CDHR4: variants seen among roughly 807,000 people sequenced by gnomAD.
CDHR4 encodes the protein cadherin related family member 4.
CDHR4 carries 89 observed loss-of-function variants against 88.4 expected under a neutral mutation model. That is an observed-to-expected ratio of 1.01 (90% confidence interval 0.85 to 1.20). CDHR4 has a LOEUF of 1.20. CDHR4 is among the 50% of genes most tolerant of loss of function. The probability of loss-of-function intolerance (pLI) is 0.00; values close to 1 mark genes in which losing one functional copy is unlikely to be tolerated. For synonymous variants in CDHR4, 368 were observed against 399.2 expected (o/e 0.92, Z 0.93); for missense variants, 914 against 1,007.2 (o/e 0.91, Z 1.25).
Position 49,795,203 on chromosome 3 carries a change from G to A in CDHR4, c.1024C>T (p.Leu342Phe). 7 of 1,551,676 alleles carry A rather than the reference G, an allele frequency of 4.5e-6. No homozygotes were observed. The highest frequency in any genetic ancestry group is 6.1e-6 in the Non-Finnish European group (7 of 1,146,974). The change falls in exon 8 of 19, where the codon CTT becomes TTT. Residue 342 changes from leucine to phenylalanine, a missense_variant. Coordinates refer to ENST00000412678, the MANE Select transcript of CDHR4 (RefSeq NM_001007540.4). The surrounding 1 kb of genome is among the most constrained non-coding windows in gnomAD (Gnocchi z 5.4). ...NLWPPRCLPA[L>F]LVSQIPETAP... is the part of the protein sequence containing the mutation. ...TGGTTCCCGGGTACTCACACCAGAA[G>A]CGCTGGGAGGCAGCGTGGAGGCCAG...
chr3:49,794,822 C>A, intron 9 of CDHR4, 121 bp from the exon 10 acceptor site: 1 of 1,444,434 alleles, frequency 6.9e-7, no homozygotes, highest in South Asian at 1.3e-5. Context: ...TTCCAGACTG[C>A]AACACAGGTT....
At chr3:49,800,818 G>C (rs1329212966), upstream of CDHR4, among the ~76,000 whole-genome samples, 4 of 151,170 alleles carry the variant, frequency 2.6e-5, no homozygotes, top group Non-Finnish European at 5.9e-5. Context: ...GGCTGAGGCA[G>C]GAGGATCGTT....
rs1184140934 is a variant in CDHR4 at position 49,795,636 on chromosome 3, A to G, written c.839T>C (p.Ile280Thr). 11 of 1,551,326 alleles carry G rather than the reference A, an allele frequency of 7.1e-6. No homozygotes were observed. The highest frequency in any genetic ancestry group is 2.7e-5 in the African/African-American group (2 of 72,976). The change falls in exon 7 of 19, where the codon ATT (isoleucine) becomes ACT (threonine). Residue 280 changes from isoleucine to threonine, a missense_variant. Coordinates refer to ENST00000412678, the MANE Select transcript of CDHR4 (RefSeq NM_001007540.4). This position sits in a 1 kb window ranked among gnomAD's most constrained non-coding sequence, Gnocchi z 5.4. ...LSPVPSPLFSIGRADGVVRTT... is the reference protein window; with the variant it reads ...LSPVPSPLFSTGRADGVVRTT... ...CCCCCAACACCTCTCACCACGACCA[A>G]TGGAGAAGAGTGGGCTGGGCACCGG...
intron 10 of CDHR4, among the ~76,000 whole-genome samples, chr3:49,794,255 G>A (rs1469933185): frequency 1.3e-5 from 2 of 152,128 alleles, no homozygotes; most frequent in Admixed American, 6.5e-5. Flanking sequence ...AAAATTAGCC[G>A]GGCGTGGTGG....
Position 49,796,997 on chromosome 3 carries a change from G to A in CDHR4, c.531C>T (p.Phe177=). 1 of 1,551,606 alleles carries A rather than the reference G, an allele frequency of 6.4e-7. No homozygotes were observed. Among genetic ancestry groups the A allele is most frequent in the Non-Finnish European group, 8.7e-7 (1 of 1,147,000 alleles). Residue 177 remains phenylalanine (F), a synonymous_variant, in exon 5 of 19, where the codon TTC becomes TTT. Coordinates refer to ENST00000412678, the MANE Select transcript of CDHR4 (RefSeq NM_001007540.4). ...GCTCATTGATGGAGAAAGGTCCAGG[G>A]AAGTGTGGCAGGTCCTGGGCACTGA... ...SIISAQDLPH[F]PGPFSINEQG... is the part of the protein sequence containing the mutation.
Position 49,795,579 on chromosome 3 carries a change from A to G in CDHR4, c.847+49T>C. 2 of 1,549,692 alleles carry G rather than the reference A, an allele frequency of 1.3e-6. No individual in the cohort carries two copies. ...AGGTACTATGGGTCACCTCTGGACC[A>G]GCCACAGAGGCATCCCAGTACCTGC... On this transcript the variant is annotated intron_variant, in intron 7 of 18. Coordinates refer to ENST00000412678, the MANE Select transcript of CDHR4 (RefSeq NM_001007540.4). The surrounding 1 kb of genome is among the most constrained non-coding windows in gnomAD (Gnocchi z 5.4).
At position 49,795,701 on chromosome 3, in the gene CDHR4, G is replaced by T; in HGVS notation, c.774C>A (p.Val258=). 6.4e-7 allele frequency: 1 copy of T among 1,551,650 alleles called. No homozygotes were observed. The change falls in exon 7 of 19, where the codon GTC becomes GTA. Residue 258 remains valine, a synonymous_variant. Transcript: ENST00000412678. This position sits in a 1 kb window ranked among gnomAD's most constrained non-coding sequence, Gnocchi z 5.4. ...AGCGCAGGTCGACACCCCGGGCCTG[G>T]ACCTGAACCACCTCACTACCGGGGG... ...NLAPGSEVVQ[V]QARGVDLRYE... is the part of the protein sequence containing the mutation.
At chr3:49,793,473 C>G in intron 12 of CDHR4, 110 bp downstream of exon 12, 1 of 1,477,828 alleles carries the variant, frequency 6.8e-7, no homozygotes, top group East Asian at 2.5e-5. Context: ...TCTTCTCCAG[C>G]CAACTCGTGG....
chr3:49,793,106 T>C (rs1364568110), intron 13 of CDHR4, 32 bp from the exon 14 acceptor site: 7 of 1,551,034 alleles, frequency 4.5e-6, no homozygotes, highest in Non-Finnish European at 5.2e-6. Flanking sequence ...GAAGAGACCA[T>C]TGCTGGCCTT....
At chr3:49,792,696 C>G in intron 14 of CDHR4, 86 bp from the exon 15 acceptor site, 2 of 1,516,182 alleles carry the variant, frequency 1.3e-6, no homozygotes, top group Non-Finnish European at 1.8e-6. Context: ...GCTAAGCCAC[C>G]CCACACCCAT....
chr3:49,791,659 G>C, intron 17 of CDHR4, 55 bp downstream of exon 17: 1 of 1,536,194 alleles, frequency 6.5e-7, no homozygotes, highest in Non-Finnish European at 8.8e-7. Context: ...AGGGGGCAGG[G>C]GAGTACTCTG....
Position 49,795,382 on chromosome 3 carries a change from G to C in CDHR4, c.848-3C>G. ...GGTGGTCCGGACCACACCGTCTGCT[G>C]CATGGGGTGAGAGAACACAGAGGTC... On this transcript the variant is annotated splice_polypyrimidine_tract_variant and splice_region_variant and intron_variant, in intron 7 of 18. Transcript: ENST00000412678. The surrounding 1 kb of genome is among the most constrained non-coding windows in gnomAD (Gnocchi z 5.4). 1 of 1,549,700 alleles carries C rather than the reference G, an allele frequency of 6.5e-7. No individual in the cohort carries two copies. Among genetic ancestry groups the C allele is most frequent in the Non-Finnish European group, 8.7e-7 (1 of 1,146,878 alleles).
intron 11 of CDHR4, 24 bp from the exon 12 acceptor site, chr3:49,793,746 AGCCT>A (rs2081220594): frequency 1.3e-6 from 2 of 1,551,520 alleles, no homozygotes; most frequent in Admixed American, 2.0e-5. Flanking sequence ...CCACAGCTTC[AGCCT>A]GCAGGGCCAA....
At chr3:49,792,436 G>A (rs1349277467) in intron 15 of CDHR4, 32 bp downstream of exon 15, 4 of 1,550,012 alleles carry the variant, frequency 2.6e-6, no homozygotes, top group African/African-American at 2.7e-5. Context: ...TGGGTTGGGG[G>A]CAAGTAGGGA....
intron 9 of CDHR4, 101 bp from the exon 10 acceptor site, chr3:49,794,802 G>A: frequency 7.0e-7 from 1 of 1,424,212 alleles, no homozygotes; most frequent in East Asian, 2.5e-5. Context: ...TATCTTGCCT[G>A]GATCCTGTTT....
Position 49,790,842 on chromosome 3 carries a change from C to T in CDHR4, c.2357G>A (p.Arg786His), listed in dbSNP as rs372148205. ...YLFNTHTGAR[R>H]WL ...GACAGCTACTTGGCCTCAGAGCCAGCGCCGGGCTCCTGTGTGTGTGTTAAA... is the reference window on the plus strand; with the variant it reads ...GACAGCTACTTGGCCTCAGAGCCAGTGCCGGGCTCCTGTGTGTGTGTTAAA... Residue 786 changes from arginine to histidine, a missense_variant, in exon 19 of 19, where the codon CGC becomes CAC. Physicochemically the swap from Arg to His is conservative, Grantham distance 29. Coordinates refer to ENST00000412678, the MANE Select transcript of CDHR4 (RefSeq NM_001007540.4). 1.0e-5 allele frequency: 16 copies of T among 1,551,280 alleles called. No individual in the cohort carries two copies. The South Asian group carries it at 1.2e-4, about 12-fold the overall frequency.
chr3:49,791,015 T>G, intron 18 of CDHR4, 128 bp from the exon 19 acceptor site: 1 of 712,684 alleles, frequency 1.4e-6, no homozygotes, highest in Non-Finnish European at 2.3e-6. Context: ...CCACCTTCGC[T>G]GGAATCTAAC....
rs1183470958 is a variant in CDHR4 at position 49,796,989 on chromosome 3, G to A, written c.539C>T (p.Pro180Leu). 3.2e-6 allele frequency: 5 copies of A among 1,551,712 alleles called. No individual in the cohort carries two copies. In the South Asian group the frequency reaches 5.9e-5, roughly 18 times the overall value. ...CCAACCTTGCTCATTGATGGAGAAAGGTCCAGGGAAGTGTGGCAGGTCCTG... is the reference window on the plus strand; with the variant it reads ...CCAACCTTGCTCATTGATGGAGAAAAGTCCAGGGAAGTGTGGCAGGTCCTG... ...SAQDLPHFPGPFSINEQGWLQ... is the reference protein window; with the variant it reads ...SAQDLPHFPGLFSINEQGWLQ... The change falls in exon 5 of 19, where the codon CCT becomes CTT. Residue 180 changes from proline (P) to leucine (L), a missense_variant. Pro to Leu is a moderately conservative substitution (Grantham distance 98). Transcript: ENST00000412678.
In CDHR4 at chr3:49,796,036, A is replaced by C; in HGVS notation, c.617T>G (p.Leu206Arg). 1 of 1,526,684 alleles carries C rather than the reference A, an allele frequency of 6.6e-7. No homozygotes were observed. The highest frequency in any genetic ancestry group is 1.3e-5 in the South Asian group (1 of 79,156). The allele number at this position is 1,526,684 out of a possible 1,614,324, so 94.6% of individuals were successfully genotyped here. ...TTGTCCAAAGGACACTGAGATTTGC[A>C]GCTGGAAGACCTGTGGTGCACCCAG... is the stretch of plus-strand genomic sequence containing the variant. ...LLGQAQKVFQ[L>R]QISVSFGQRQ... The change falls in exon 6 of 19, where the codon CTG (leucine) becomes CGG (arginine). Residue 206 changes from leucine (L) to arginine (R), a missense_variant. Leu to Arg is a moderately radical substitution (Grantham distance 102). Coordinates refer to ENST00000412678, the MANE Select transcript of CDHR4 (RefSeq NM_001007540.4).
Sources: gnomAD v4.1 joint callset for allele counts (sites outside exome capture counted in the v4.1 genomes callset) on GRCh38, gnomAD v4.1.1 for gene constraint, Gnocchi (gnomAD v3.1) non-coding constraint, MANE v1.5 for transcripts, NCBI Gene and HGNC (gene_info 2026-07-23, HGNC 2026-07-21) for gene names.